Variants in TNS1 observed in about 807,000 individuals in gnomAD.
TNS1 encodes tensin 1, also known as tensin-1.
TNS1 carries 62 observed loss-of-function variants against 168.6 expected under a neutral mutation model. The ratio of observed to expected loss-of-function variants is 0.37; its 90% CI spans 0.30 to 0.45. The LOEUF is 0.45. TNS1 is among the 20% of genes least tolerant of loss of function. The pLI, the probability that TNS1 is intolerant of heterozygous loss-of-function variation, is 1.00. For missense variants in TNS1, 2,240 were observed against 2,339.4 expected (o/e 0.96, Z 0.88); for synonymous variants, 934 against 933.2 (o/e 1.00, Z -0.02).
At chr2:217,924,540 T>C (rs1274429890) in intron 3 of TNS1, among the ~76,000 whole-genome samples, 1 of 152,156 alleles carries the variant, frequency 6.6e-6, no homozygotes, top group African/African-American at 2.4e-5. Flanking sequence ...AAATGTCTGT[T>C]GAAGAATGAA....
At chr2:217,903,425 A>G (rs1326686630) in intron 6 of TNS1, among the ~76,000 whole-genome samples, 1 of 152,186 alleles carries the variant, frequency 6.6e-6, no homozygotes, top group Non-Finnish European at 1.5e-5. Context: ...CAAACCTTAT[A>G]AAAAGGAAAA....
chr2:217,910,596 A>C (rs1954261397), intron 4 of TNS1, among the ~76,000 whole-genome samples: 1 of 151,776 alleles, frequency 6.6e-6, no homozygotes, highest in Non-Finnish European at 1.5e-5. Flanking sequence ...AAGCCCTACC[A>C]TTGACACTGC....
intron 18 of TNS1, among the ~76,000 whole-genome samples, chr2:217,856,563 C>A (rs192082077): frequency 2.6e-5 from 4 of 152,282 alleles, no homozygotes; most frequent in Admixed American, 2.6e-4. Context: ...GAAGAGAAAT[C>A]CCGGAACCTC....
intron 19 of TNS1, among the ~76,000 whole-genome samples, chr2:217,845,366 C>G (rs949238663): frequency 6.6e-6 from 1 of 152,176 alleles, no homozygotes; most frequent in Non-Finnish European, 1.5e-5. Flanking sequence ...TCCCTGCCTC[C>G]CAGACTTTTC....
Position 217,890,756 on chromosome 2 carries a change from C to T in TNS1, c.866+206G>A, listed in dbSNP as rs1158304135. On this transcript the variant is annotated intron_variant, in intron 12 of 32. Coordinates refer to ENST00000682258, the MANE Select transcript of TNS1 (RefSeq NM_001387777.1). ...CAGGCCTCAGAGTCAAGTGCTGTGC[C>T]AATCTGCGGGCACACACCACAGGCT... 6.6e-6 allele frequency: 4 copies of T among 604,098 alleles called. No individual in the cohort carries two copies. In the East Asian group the frequency reaches 8.3e-5, roughly 13 times the overall value. The allele number at this position is 604,098 out of a possible 1,614,324, so 37.4% of individuals were successfully genotyped here. A position where few individuals can be genotyped will look rare whatever the true frequency, so the allele number is the denominator to read the frequency against.
intron 11 of TNS1, among the ~76,000 whole-genome samples, chr2:217,892,515 C>G (rs1211845049): frequency 6.6e-6 from 1 of 152,186 alleles, no homozygotes; most frequent in Non-Finnish European, 1.5e-5. Context: ...GTTCCAAACA[C>G]CTAGGTAGGA....
At chr2:217,936,458 T>G (rs187420225) in intron 3 of TNS1, among the ~76,000 whole-genome samples, 3 of 152,104 alleles carry the variant, frequency 2.0e-5, no homozygotes, top group Admixed American at 2.0e-4. Flanking sequence ...GGGAGGATGG[T>G]ATGCTGGAAG....
intron 1 of TNS1, among the ~76,000 whole-genome samples, chr2:217,999,231 G>A (rs1337889571): frequency 6.6e-6 from 1 of 152,226 alleles, no homozygotes; most frequent in Non-Finnish European, 1.5e-5. Flanking sequence ...TGGGGTTGGA[G>A]TCTTGACTCT....
At chr2:217,993,747 GGTA>G (rs1958418869) in intron 1 of TNS1, among the ~76,000 whole-genome samples, 1 of 152,184 alleles carries the variant, frequency 6.6e-6, no homozygotes, top group Admixed American at 6.5e-5. Flanking sequence ...TAGACTGAAT[GGTA>G]TTAAAGTATC....
At chr2:217,886,691 G>C in intron 12 of TNS1, 45 bp from the exon 13 acceptor site, 9 of 1,382,932 alleles carry the variant, frequency 6.5e-6, no homozygotes, top group Non-Finnish European at 9.1e-6. Context: ...GGTGGGTACT[G>C]GTGCAGTAAT....
intron 3 of TNS1, among the ~76,000 whole-genome samples, chr2:217,971,878 G>C (rs1459242333): frequency 6.6e-6 from 1 of 152,162 alleles, no homozygotes; most frequent in African/African-American, 2.4e-5. Context: ...ACAAGCGAAA[G>C]ACATATCATA....
At chr2:218,002,077 C>T (rs1188461933) in intron 1 of TNS1, among the ~76,000 whole-genome samples, 3 of 152,190 alleles carry the variant, frequency 2.0e-5, no homozygotes, top group Non-Finnish European at 4.4e-5. Context: ...AGCAGGCAGC[C>T]CTCTCCCATC....
At chr2:217,970,022 A>T in intron 3 of TNS1, among the ~76,000 whole-genome samples, 1 of 152,206 alleles carries the variant, frequency 6.6e-6, no homozygotes, top group East Asian at 1.9e-4. Context: ...ATTTGTACAC[A>T]GAGACACATA....
intron 6 of TNS1, chr2:217,905,604 A>G: frequency 4.0e-6 from 1 of 249,474 alleles, no homozygotes; most frequent in Non-Finnish European, 8.2e-6. Context: ...GTTCCTCTGC[A>G]GCCCAGGGCG....
At position 217,997,222 on chromosome 2, in the gene TNS1, A is replaced by G. The variant is rs571802840; in HGVS notation, c.33+5618T>C. Among the ~76,000 whole-genome samples, 59 of 152,202 alleles carry G rather than the reference A, an allele frequency of 3.9e-4. 1 individual carries two copies. The highest frequency in any genetic ancestry group is 6.2e-4 in the South Asian group (3 of 4,832). On this transcript the variant is annotated intron_variant, in intron 1 of 32. Transcript: ENST00000682258. ...AGTGCAAAAGCTTCGGAAAAGATGA[A>G]CACGCATGTTCCCTTCTCCTATGAT...
intron 3 of TNS1, among the ~76,000 whole-genome samples, chr2:217,957,208 G>A (rs1207136215): frequency 2.0e-5 from 3 of 152,024 alleles, no homozygotes; most frequent in East Asian, 1.9e-4. Context: ...AGCCCCTTCC[G>A]AGCCAGCCAG....
rs1021945998 is a variant in TNS1 at position 217,821,887 on chromosome 2, C to T, written c.3425G>A (p.Arg1142Gln). The change falls in exon 23 of 33, where the codon CGA (arginine) becomes CAA (glutamine). Residue 1142 changes from arginine to glutamine, a missense_variant. Transcript: ENST00000682258. ...SVARTAVAGP[R>Q]AQDSEPKSFS... Reference sequence around the variant, plus strand: ...GCTCTTGGGCTCAGAGTCCTGAGCTCGGGGTCCAGCCACCGCTGTCCGTGC... The same window carrying T: ...GCTCTTGGGCTCAGAGTCCTGAGCTTGGGGTCCAGCCACCGCTGTCCGTGC... 30 of 1,588,848 alleles carry T rather than the reference C, an allele frequency of 1.9e-5. No individual in the cohort carries two copies. The highest frequency in any genetic ancestry group is 1.6e-4 in the East Asian group (7 of 43,598).
chr2:217,898,045 A>C, intron 7 of TNS1, 76 bp from the exon 8 acceptor site: 1 of 1,468,958 alleles, frequency 6.8e-7, no homozygotes, highest in Non-Finnish European at 9.1e-7. Flanking sequence ...GCTGCACCCC[A>C]TACACACCCT....
intron 1 of TNS1, among the ~76,000 whole-genome samples, chr2:218,017,310 C>T (rs1958770528): frequency 6.6e-6 from 1 of 152,226 alleles, no homozygotes; most frequent in South Asian, 2.1e-4. Context: ...TAGGGCAGAG[C>T]AGAGCAGGCC....
Sources: allele counts gnomAD v4.1 joint callset (sites outside exome capture counted in the v4.1 genomes callset), GRCh38; gene constraint gnomAD v4.1.1; transcripts MANE v1.5; gene names NCBI Gene and HGNC (gene_info 2026-07-23, HGNC 2026-07-21).